Variants in ARMC3 observed in about 807,000 individuals in gnomAD.
ARMC3 encodes the protein armadillo repeat containing 3.
A neutral mutation model predicts 90.3 loss-of-function variants in ARMC3; 74 were observed. The observed-to-expected ratio is 0.82, with a 90% CI of 0.68 to 0.99. The LOEUF (loss-of-function observed/expected upper bound fraction) is 0.99. Among genes scored for constraint, ARMC3 ranks in the 50% least tolerant of loss-of-function variants. The pLI, the probability that ARMC3 is intolerant of heterozygous loss-of-function variation, is 0.00. For missense variants in ARMC3, 958 were observed against 1,042.8 expected (o/e 0.92, Z 1.12); for synonymous variants, 334 against 361.8 (o/e 0.92, Z 0.87).
intron 16 of ARMC3, among the ~76,000 whole-genome samples, chr10:23,028,846 T>C (rs1838815523): frequency 6.7e-6 from 1 of 150,100 alleles, no homozygotes. Flanking sequence ...AGCCTAGGAA[T>C]TTATAAATAA....
Position 22,946,172 on chromosome 10 carries a change from A to T in ARMC3, c.77A>T (p.Lys26Ile). The change falls in exon 3 of 19, where the codon AAA becomes ATA. Residue 26 changes from lysine to isoleucine, a missense_variant. Lys to Ile is a moderately radical substitution (Grantham distance 102). Coordinates refer to ENST00000298032, the MANE Select transcript of ARMC3 (RefSeq NM_173081.5). ...GACCCATTAATGATTGAAAGCAAAAAAGCAGCAACTGTGGTGTTAATGCTT... is the reference window on the plus strand; with the variant it reads ...GACCCATTAATGATTGAAAGCAAAATAGCAGCAACTGTGGTGTTAATGCTT... The part of the protein sequence containing the change: ...VFDPLMIESK[K>I]AATVVLMLNS... 1.2e-6 allele frequency: 2 copies of T among 1,612,072 alleles called. No homozygotes were observed.
intron 17 of ARMC3, 60 bp downstream of exon 17, chr10:23,030,856 AT>A: frequency 6.5e-7 from 1 of 1,547,244 alleles, no homozygotes; most frequent in South Asian, 1.2e-5. Flanking sequence ...TGTCATATAC[AT>A]TTTAGCCATG....
chr10:23,007,587 C>T (rs983750978), intron 14 of ARMC3, among the ~76,000 whole-genome samples: 4 of 151,758 alleles, frequency 2.6e-5, no homozygotes, highest in Non-Finnish European at 5.9e-5. Context: ...ATCCCAGCTA[C>T]TCAGGAGGCT....
Position 22,984,900 on chromosome 10 carries a change from T to C in ARMC3, c.1175+3200T>C, listed in dbSNP as rs539496461. ...CCTTCTGTTTTTTTTTTAGACAGGG[T>C]GTCACTTTATTGCCCAGGCTGAAGT... On this transcript the variant is annotated intron_variant, in intron 10 of 18. Coordinates refer to ENST00000298032, the MANE Select transcript of ARMC3 (RefSeq NM_173081.5). Among the ~76,000 whole-genome samples the C allele has an allele frequency of 5.7e-4, 87 of 151,928 alleles. 1 individual carries two copies. The highest frequency in any genetic ancestry group is 8.8e-4 in the Non-Finnish European group (60 of 67,964).
At chr10:22,990,923 C>G (rs1459641112) in intron 10 of ARMC3, among the ~76,000 whole-genome samples, 1 of 151,988 alleles carries the variant, frequency 6.6e-6, no homozygotes, top group Non-Finnish European at 1.5e-5. Context: ...GCTTCTGACC[C>G]TCCCTCCACC....
intron 4 of ARMC3, among the ~76,000 whole-genome samples, chr10:22,958,645 G>A (rs1014239510): frequency 6.6e-6 from 1 of 152,086 alleles, no homozygotes; most frequent in Non-Finnish European, 1.5e-5. Flanking sequence ...GTGGTTTTGA[G>A]CCTCAATTTC....
At chr10:23,002,229 G>A (rs546740545) in intron 12 of ARMC3, among the ~76,000 whole-genome samples, 174 bp downstream of exon 12, 1 of 152,226 alleles carries the variant, frequency 6.6e-6, no homozygotes, top group Non-Finnish European at 1.5e-5. Context: ...GGAGGCAAGG[G>A]GGTCCCGATT....
chr10:23,032,886 A>G lies in ARMC3; in HGVS notation c.2272A>G (p.Lys758Glu). 1 of 1,612,470 alleles carries G rather than the reference A, an allele frequency of 6.2e-7. No individual in the cohort carries two copies. The highest frequency in any genetic ancestry group is 8.5e-7 in the Non-Finnish European group (1 of 1,179,266). ...AKYVAEKMGG[K>E]IPKEKLPDFS... ...GTATGTAGCAGAAAAAATGGGTGGT[A>G]AGATTCCAAAAGAGAAACTACCTGA... is the stretch of plus-strand genomic sequence containing the variant. Residue 758 changes from lysine (K) to glutamate (E), a missense_variant, in exon 18 of 19, where the codon AAG becomes GAG. Physicochemically the swap from Lys to Glu is moderately conservative, Grantham distance 56. Transcript: ENST00000298032.
chr10:23,000,357 C>T (rs1240838002), intron 11 of ARMC3, among the ~76,000 whole-genome samples: 1 of 152,092 alleles, frequency 6.6e-6, no homozygotes, highest in Non-Finnish European at 1.5e-5. Context: ...CTCCTGTCCC[C>T]CAGAAGGCCT....
rs751435647 is a variant in ARMC3, at chr10:22,959,123, C to T, written c.346C>T (p.Gln116Ter). 67 of 1,613,062 alleles carry T rather than the reference C, an allele frequency of 4.2e-5. No homozygotes were observed. Among genetic ancestry groups the T allele is most frequent in the Non-Finnish European group, 5.5e-5 (65 of 1,179,210 alleles). ...ELDVMNSVIA[Q>*]LAPEEEVVIH... ...AGATGTCATGAATTCTGTCATTGCC[C>T]AGCTCGCTCCAGAAGGTAACTTTGC... is the stretch of plus-strand genomic sequence containing the variant. The change falls in exon 5 of 19, where the codon CAG becomes TAG. Residue 116 changes from glutamine (Q) to a stop codon, truncating the protein, a stop_gained. Transcript: ENST00000298032. LOFTEE classifies it high-confidence loss of function.
intron 6 of ARMC3, chr10:22,960,993 A>G (rs1202639371): frequency 2.0e-5 from 3 of 152,242 alleles, no homozygotes; most frequent in African/African-American, 4.8e-5. Flanking sequence ...GGATGACCTC[A>G]TCTTAACTAA....
At chr10:22,959,187 C>A in intron 5 of ARMC3, 49 bp downstream of exon 5, 1 of 1,491,624 alleles carries the variant, frequency 6.7e-7, no homozygotes, top group Non-Finnish European at 9.4e-7. Flanking sequence ...TGGTTTTTTA[C>A]ACTTGATTAA....
intron 11 of ARMC3, among the ~76,000 whole-genome samples, 190 bp from the exon 12 acceptor site, chr10:23,001,729 C>T (rs1194464857): frequency 2.0e-5 from 3 of 152,116 alleles, no homozygotes; most frequent in Admixed American, 1.3e-4. Context: ...GCCCGAAAAC[C>T]GGGCTTCTCT....
At chr10:23,011,677 C>A (rs1454476152) in intron 16 of ARMC3, among the ~76,000 whole-genome samples, 1 of 151,246 alleles carries the variant, frequency 6.6e-6, no homozygotes, top group East Asian at 1.9e-4. Context: ...TCCTTGCTTG[C>A]TTTTTTTTTA....
At chr10:22,933,999 A>G (rs1436379979) in intron 2 of ARMC3, among the ~76,000 whole-genome samples, 1 of 152,218 alleles carries the variant, frequency 6.6e-6, no homozygotes, top group Non-Finnish European at 1.5e-5. Context: ...GTATGCCACA[A>G]TTTACAGTAT....
Position 22,946,342 on chromosome 10 carries a change from G to A in ARMC3, c.166+81G>A, listed in dbSNP as rs1225792442. On this transcript the variant is annotated intron_variant, in intron 3 of 18. Transcript: ENST00000298032. ...TACCTCTTGGGCACTTTTCTTCCTAGTCTTTAACTTACTTGCTGTCGGATG... is the reference window on the plus strand; with the variant it reads ...TACCTCTTGGGCACTTTTCTTCCTAATCTTTAACTTACTTGCTGTCGGATG... 5 of 889,936 alleles carry A rather than the reference G, an allele frequency of 5.6e-6. No homozygotes were observed. In the Admixed American group the frequency reaches 1.1e-4, roughly 20 times the overall value. 55.1% of individuals were successfully genotyped at this position (889,936 alleles called of 1,614,324 possible). A position where few individuals can be genotyped will look rare whatever the true frequency, so the allele number is the denominator to read the frequency against.
intron 3 of ARMC3, among the ~76,000 whole-genome samples, chr10:22,953,194 C>A (rs957853689): frequency 1.3e-5 from 2 of 152,122 alleles, no homozygotes; most frequent in Non-Finnish European, 2.9e-5. Context: ...AAGGGGCTCA[C>A]TAGCCAAGGA....
At chr10:22,963,565 A>C (rs1439784270) in intron 7 of ARMC3, among the ~76,000 whole-genome samples, 6 of 152,126 alleles carry the variant, frequency 3.9e-5, no homozygotes, top group Admixed American at 6.5e-5. Context: ...CCGGGGCAAT[A>C]AGCCCAAATA....
At chr10:23,029,824 G>T (rs1838850473) in intron 16 of ARMC3, among the ~76,000 whole-genome samples, 1 of 152,058 alleles carries the variant, frequency 6.6e-6, no homozygotes, top group Admixed American at 6.6e-5. Context: ...CTTTGTTCTT[G>T]TACGTCATGG....
Sources: allele counts gnomAD v4.1 joint callset (sites outside exome capture counted in the v4.1 genomes callset), GRCh38; gene constraint gnomAD v4.1.1; transcripts MANE v1.5; gene names NCBI Gene and HGNC (gene_info 2026-07-23, HGNC 2026-07-21).